Variants in QRSL1 observed in about 807,000 individuals in gnomAD.
The protein encoded by QRSL1 is glutamyl-tRNA(Gln) amidotransferase subunit A, mitochondrial.
Under a neutral mutation model 61.6 loss-of-function variants are expected in QRSL1, and 54 were observed. The ratio of observed to expected loss-of-function variants is 0.88; its 90% CI spans 0.70 to 1.10. The LOEUF (loss-of-function observed/expected upper bound fraction) is 1.10, where lower values mean the gene tolerates loss of function less well. Among genes scored for constraint, QRSL1 ranks in the 50% least tolerant of loss-of-function variants. The probability of loss-of-function intolerance (pLI) is 0.00; values close to 1 mark genes in which losing one functional copy is unlikely to be tolerated. For synonymous variants in QRSL1, 228 were observed against 225.7 expected (o/e 1.01, Z -0.09); for missense variants, 505 against 622.6 (o/e 0.81, Z 2.01).
rs1777431149 is a variant in QRSL1, at chr6:106,666,182, G to A, written c.*180G>A. 3 of 573,584 alleles carry A rather than the reference G, an allele frequency of 5.2e-6. No individual in the cohort carries two copies. The highest frequency in any genetic ancestry group is 3.0e-5 in the Admixed American group (1 of 33,196). 35.5% of individuals were successfully genotyped at this position (573,584 alleles called of 1,614,324 possible). On this transcript the variant is annotated 3_prime_UTR_variant, in exon 11 of 11. Coordinates refer to ENST00000369046, the MANE Select transcript of QRSL1 (RefSeq NM_018292.5). ...CAAAAATTAGCCAGGCTTAGTGGCGGGCATCTGTAGTCCCAGCTACTCAGG... is the reference window on the plus strand; with the variant it reads ...CAAAAATTAGCCAGGCTTAGTGGCGAGCATCTGTAGTCCCAGCTACTCAGG...
chr6:106,639,139 T>TTGACAGAGTCTGGCTCTG (rs1776975960), intron 1 of QRSL1, among the ~76,000 whole-genome samples: 1 of 144,350 alleles, frequency 6.9e-6, no homozygotes, highest in Non-Finnish European at 1.5e-5. Context: ...TTTTTTTTTT[T>TTGACAGAGTCTGGCTCTG]TTTTTTTGAC....
intron 1 of QRSL1, among the ~76,000 whole-genome samples, chr6:106,639,592 CT>C (rs766499564): frequency 6.6e-6 from 1 of 152,152 alleles, no homozygotes; most frequent in Non-Finnish European, 1.5e-5. Flanking sequence ...TTGGTGTCAT[CT>C]TTTACTTATT....
At chr6:106,634,833 G>T (rs185115639) in intron 1 of QRSL1, among the ~76,000 whole-genome samples, 1 of 152,136 alleles carries the variant, frequency 6.6e-6, no homozygotes, top group Non-Finnish European at 1.5e-5. Context: ...TAATGGGAGT[G>T]GATATTGTTT....
rs1777204563 is a variant in QRSL1, at chr6:106,652,508, C to T, written c.775C>T (p.His259Tyr). Residue 259 changes from histidine (H) to tyrosine (Y), a missense_variant, in exon 7 of 11, where the codon CAT becomes TAT. His to Tyr is a moderately conservative substitution (Grantham distance 83). Coordinates refer to ENST00000369046, the MANE Select transcript of QRSL1 (RefSeq NM_018292.5). The stretch of plus-strand genomic sequence containing the variant: ...TGACCCCAGGGACTCTACCACAGTA[C>T]ATGAACCTATTAATAAACCATTCAT... The part of the protein sequence containing the change: ...GPDPRDSTTV[H>Y]EPINKPFMLP... 3.0e-5 allele frequency: 48 copies of T among 1,614,112 alleles called. No homozygotes were observed. The highest frequency in any genetic ancestry group is 4.0e-5 in the Non-Finnish European group (47 of 1,180,056).
At chr6:106,660,193 ATTTTC>A (rs373746869) in intron 9 of QRSL1, among the ~76,000 whole-genome samples, 17 of 150,608 alleles carry the variant, frequency 1.1e-4, no homozygotes, top group African/African-American at 2.2e-4. Flanking sequence ...GGCATATCTC[ATTTTC>A]TTTTCTTTTC....
chr6:106,647,571 AAGAG>A (rs1338602280), intron 4 of QRSL1, among the ~76,000 whole-genome samples: 1 of 150,728 alleles, frequency 6.6e-6, no homozygotes. Context: ...AAAAAAAAAA[AAGAG>A]AGAGACAATG....
intron 3 of QRSL1, among the ~76,000 whole-genome samples, chr6:106,641,410 G>A (rs1411647469): frequency 6.6e-6 from 1 of 152,210 alleles, no homozygotes; most frequent in Non-Finnish European, 1.5e-5. Flanking sequence ...TTCTGTGGAT[G>A]ACGTGAGGAT....
Position 106,640,905 on chromosome 6 carries a change from A to G in QRSL1, c.267A>G (p.Ala89=). 1 of 1,612,976 alleles carries G rather than the reference A, an allele frequency of 6.2e-7. No individual in the cohort carries two copies. Among genetic ancestry groups the G allele is most frequent in the Non-Finnish European group, 8.5e-7 (1 of 1,179,156 alleles). ...CTTCTGGCATTGAGACAACATGTGC[A>G]TCAAATATGCTGAAAGGTAAAGTTT... is the stretch of plus-strand genomic sequence containing the variant. ...FSTSGIETTC[A]SNMLKGYIPP... The change falls in exon 3 of 11, where the codon GCA becomes GCG. Residue 89 remains alanine (A), a synonymous_variant. Transcript: ENST00000369046.
intron 1 of QRSL1, among the ~76,000 whole-genome samples, chr6:106,637,471 A>T (rs1469456130): frequency 6.6e-6 from 1 of 150,878 alleles, no homozygotes; most frequent in Non-Finnish European, 1.5e-5. Context: ...AATGAAAAGT[A>T]GTACCAGGAA....
At chr6:106,638,142 G>A (rs982576728) in intron 1 of QRSL1, among the ~76,000 whole-genome samples, 1 of 152,156 alleles carries the variant, frequency 6.6e-6, no homozygotes, top group African/African-American at 2.4e-5. Flanking sequence ...GGATGGGCCT[G>A]CCTACGTATA....
intron 1 of QRSL1, among the ~76,000 whole-genome samples, chr6:106,637,978 T>G (rs1178328091): frequency 6.6e-6 from 1 of 152,256 alleles, no homozygotes; most frequent in East Asian, 1.9e-4. Context: ...ATCTTATTTC[T>G]TGCTGTTCAA....
chr6:106,663,326 A>C, intron 10 of QRSL1, 141 bp downstream of exon 10: 2 of 697,198 alleles, frequency 2.9e-6, no homozygotes, highest in Non-Finnish European at 4.9e-6. Flanking sequence ...GTGTGTGTGT[A>C]CATGTATTAG....
At chr6:106,657,135 G>T (rs545280925) in intron 9 of QRSL1, among the ~76,000 whole-genome samples, 3 of 152,194 alleles carry the variant, frequency 2.0e-5, no homozygotes, top group Non-Finnish European at 2.9e-5. Flanking sequence ...TGGGCGTGGT[G>T]GTGGGCACCT....
chr6:106,648,907 G>A, intron 4 of QRSL1, 118 bp from the exon 5 acceptor site: 2 of 1,001,872 alleles, frequency 2.0e-6, no homozygotes, highest in Non-Finnish European at 2.8e-6. Context: ...TTCAATTCAA[G>A]CTACAGTGGG....
chr6:106,665,720 A>G, intron 10 of QRSL1, 62 bp from the exon 11 acceptor site: 1 of 1,394,258 alleles, frequency 7.2e-7, no homozygotes, highest in Non-Finnish European at 1.0e-6. Flanking sequence ...TGGAAAGTGG[A>G]AGAGGTCTCT....
At chr6:106,634,213 T>C (rs1053573427) in intron 1 of QRSL1, among the ~76,000 whole-genome samples, 6 of 152,120 alleles carry the variant, frequency 3.9e-5, no homozygotes, top group African/African-American at 9.7e-5. Flanking sequence ...AAGCTTAACA[T>C]GTTCAAGGAA....
At position 106,637,890 on chromosome 6, in the gene QRSL1, AT is replaced by A. The variant is rs1344149056; in HGVS notation, c.25-2451del. Among the ~76,000 whole-genome samples, 10 of 151,678 alleles carry A rather than the reference AT, an allele frequency of 6.6e-5. No homozygotes were observed. In the East Asian group the frequency reaches 1.5e-3, roughly 23 times the overall value. On this transcript the variant is annotated intron_variant, in intron 1 of 10. Transcript: ENST00000369046. ...CTTCTCTTCTCCACTTCCCTTATTGATTTTTTTTCTCAAATCTAGAGTTCCT... is the reference window on the plus strand; with the variant it reads ...CTTCTCTTCTCCACTTCCCTTATTGATTTTTTTCTCAAATCTAGAGTTCCT...
chr6:106,643,144 C>A (rs1777048834), intron 4 of QRSL1, 54 bp downstream of exon 4: 2 of 1,230,096 alleles, frequency 1.6e-6, no homozygotes, highest in Non-Finnish European at 2.3e-6. Context: ...CCTTTATTTT[C>A]ACTAAATGTA....
chr6:106,629,727 AG>A, intron 1 of QRSL1, 22 bp downstream of exon 1: 1 of 1,599,260 alleles, frequency 6.3e-7, no homozygotes, highest in Non-Finnish European at 8.5e-7. Flanking sequence ...TGGCCCGCTG[AG>A]GCCCCCGGGA....
Sources: allele counts gnomAD v4.1 joint callset (sites outside exome capture counted in the v4.1 genomes callset), GRCh38; gene constraint gnomAD v4.1.1; transcripts MANE v1.5; gene names NCBI Gene and HGNC (gene_info 2026-07-23, HGNC 2026-07-21).